The following RYR2 variants were observed in gnomAD, a reference collection of about 807,000 sequenced individuals.
RYR2 encodes the protein ryanodine receptor 2.
A neutral mutation model predicts 601.1 loss-of-function variants in RYR2; 227 were observed. The ratio of observed to expected loss-of-function variants is 0.38; its 90% confidence interval spans 0.34 to 0.42. The LOEUF (loss-of-function observed/expected upper bound fraction) is 0.42, where lower values mean the gene tolerates loss of function less well. Among genes scored for constraint, RYR2 ranks in the 10% least tolerant of loss-of-function variants. The pLI is 1.00. For missense variants in RYR2, 4,646 were observed against 6,156.5 expected (o/e 0.75, Z 8.21); for synonymous variants, 2,223 against 2,175.1 (o/e 1.02, Z -0.61).
chr1:237,180,124 G>T lies in RYR2; in HGVS notation c.49-90373G>T, dbSNP rs1678537116. 6.6e-6 allele frequency among the ~76,000 whole-genome samples: 1 copy of T among 151,792 alleles called. No individual in the cohort carries two copies. Among genetic ancestry groups the T allele is most frequent in the Non-Finnish European group, 1.5e-5 (1 of 68,020 alleles). ...TGGTAAGGGCTGTTCAGGATCCTCAGTGATGAGAATTGGTTGTGAGTTAGA... is the reference window on the plus strand; with the variant it reads ...TGGTAAGGGCTGTTCAGGATCCTCATTGATGAGAATTGGTTGTGAGTTAGA... On this transcript the variant is annotated intron_variant, in intron 1 of 104. Coordinates refer to ENST00000366574, the MANE Select transcript of RYR2 (RefSeq NM_001035.3). This position sits in a 1 kb window ranked among gnomAD's most constrained non-coding sequence, Gnocchi z 5.3.
At chr1:237,155,966 GT>G (rs1675284776) in intron 1 of RYR2, among the ~76,000 whole-genome samples, 1 of 152,172 alleles carries the variant, frequency 6.6e-6, no homozygotes, top group Admixed American at 6.5e-5. Context: ...ATCATGTGCT[GT>G]CCCTCTTAAT....
At chr1:237,214,236 T>G (rs950554715) in intron 1 of RYR2, among the ~76,000 whole-genome samples, 1 of 152,160 alleles carries the variant, frequency 6.6e-6, no homozygotes, top group Non-Finnish European at 1.5e-5. Flanking sequence ...CAACTTATTA[T>G]CTTATTGAAT....
chr1:237,598,017 A>T (rs2148488641), intron 34 of RYR2, among the ~76,000 whole-genome samples: 1 of 152,360 alleles, frequency 6.6e-6, no homozygotes, highest in South Asian at 2.1e-4. Context: ...ACTGAGAGTG[A>T]GCAGAAGTAG....
intron 1 of RYR2, among the ~76,000 whole-genome samples, chr1:237,079,848 T>C: frequency 7.8e-6 from 1 of 128,918 alleles, no homozygotes; most frequent in African/African-American, 3.8e-5. Context: ...AGAACAAAGC[T>C]GGAGGCATCA....
chr1:237,294,442 G>GA lies in RYR2; in HGVS notation c.168+23837dup, dbSNP rs565181298. On this transcript the variant is annotated intron_variant, in intron 2 of 104. Transcript: ENST00000366574. Reference sequence around the variant, plus strand: ...GATAGGCTAAGTTATGCTTTGATAAGAAAAAAAAAAACCCAAATCTCAATG... The same window carrying GA: ...GATAGGCTAAGTTATGCTTTGATAAGAAAAAAAAAAAACCCAAATCTCAATG... Among the ~76,000 whole-genome samples the GA allele has an allele frequency of 2.8e-3, 395 of 143,552 alleles. 3 individuals are homozygous for GA. The highest frequency in any genetic ancestry group is 9.2e-3 in the South Asian group (42 of 4,566). 94.2% of individuals were successfully genotyped at this position (143,552 alleles called of 152,430 possible).
intron 10 of RYR2, among the ~76,000 whole-genome samples, chr1:237,408,966 GTGT>G (rs1704176857): frequency 6.6e-6 from 1 of 151,902 alleles, no homozygotes; most frequent in Non-Finnish European, 1.5e-5. Context: ...CTTTAAATAC[GTGT>G]TGTTCATTGC....
chr1:237,799,868 C>T (rs1198906246), intron 97 of RYR2, among the ~76,000 whole-genome samples: 1 of 152,132 alleles, frequency 6.6e-6, no homozygotes, highest in Non-Finnish European at 1.5e-5. Context: ...TCTTCATTTG[C>T]GTCCTCACTG....
chr1:237,457,923 A>G (rs1572414483), intron 16 of RYR2, among the ~76,000 whole-genome samples: 1 of 152,164 alleles, frequency 6.6e-6, no homozygotes. Flanking sequence ...TCTAGAAGAT[A>G]AAGTTCACCT....
chr1:237,308,667 G>A (rs1050808918), intron 2 of RYR2, among the ~76,000 whole-genome samples: 1 of 152,182 alleles, frequency 6.6e-6, no homozygotes, highest in African/African-American at 2.4e-5. Flanking sequence ...GAATAAAGCT[G>A]AGGACCTTAG....
rs199689228 is a variant in RYR2 at position 237,694,059 on chromosome 1, C to T, written c.9068-4906C>T. On this transcript the variant is annotated intron_variant, in intron 63 of 104. Coordinates refer to ENST00000366574, the MANE Select transcript of RYR2 (RefSeq NM_001035.3). ...CCTGTAATCCCAGCACTCTGGGAGG[C>T]TGAGGCGGGCGGATCACAAGGTCAG... Among the ~76,000 whole-genome samples, 20 of 152,238 alleles carry T rather than the reference C, an allele frequency of 1.3e-4. No homozygotes were observed. In the East Asian group the frequency reaches 3.9e-3, roughly 29 times the overall value.
chr1:237,474,625 C>T lies in RYR2; in HGVS notation c.1708+5438C>T, dbSNP rs7543688. On this transcript the variant is annotated intron_variant, in intron 17 of 104. Transcript: ENST00000366574. ...TTAACCTCACTTAAAACTGCGGGTG[C>T]CCATGTTGCCCCATTCTGGCCTGTA... Among the ~76,000 whole-genome samples the T allele has an allele frequency of 2.1e-3, 319 of 152,160 alleles. 2 individuals are homozygous for T. Among genetic ancestry groups the T allele is most frequent in the African/African-American group, 6.9e-3 (286 of 41,522 alleles).
chr1:237,460,015 A>G (rs897962834), intron 16 of RYR2, among the ~76,000 whole-genome samples: 5 of 152,160 alleles, frequency 3.3e-5, no homozygotes, highest in African/African-American at 1.2e-4. Context: ...TGGGGCTTGC[A>G]CAGCTCGCCG....
At chr1:237,185,299 A>T (rs1679227360) in intron 1 of RYR2, among the ~76,000 whole-genome samples, 1 of 152,148 alleles carries the variant, frequency 6.6e-6, no homozygotes, top group Non-Finnish European at 1.5e-5. Context: ...ACCCGGCTAC[A>T]TAGAGGCCCT....
intron 1 of RYR2, among the ~76,000 whole-genome samples, chr1:237,256,160 G>A (rs1558507109): frequency 6.6e-6 from 1 of 152,102 alleles, no homozygotes; most frequent in Non-Finnish European, 1.5e-5. Context: ...TAAATCTCAT[G>A]AAATCTGATG....
intron 100 of RYR2, among the ~76,000 whole-genome samples, chr1:237,812,711 A>G (rs1477842184): frequency 6.6e-6 from 1 of 152,112 alleles, no homozygotes; most frequent in Non-Finnish European, 1.5e-5. Context: ...ACTTACTTAC[A>G]TTTGCTAGTC....
chr1:237,327,652 T>C (rs934685598), intron 2 of RYR2, among the ~76,000 whole-genome samples: 1 of 152,186 alleles, frequency 6.6e-6, no homozygotes, highest in African/African-American at 2.4e-5. Context: ...AGAACCGATT[T>C]TAAGAAACAA....
At chr1:237,526,448 G>A (rs1346329937) in intron 24 of RYR2, among the ~76,000 whole-genome samples, 1 of 151,870 alleles carries the variant, frequency 6.6e-6, no homozygotes, top group Non-Finnish European at 1.5e-5. Context: ...CGAGACTCAG[G>A]CAAAATTTCT....
intron 1 of RYR2, among the ~76,000 whole-genome samples, chr1:237,084,879 G>A (rs1433910309): frequency 6.6e-6 from 1 of 152,246 alleles, no homozygotes; most frequent in African/African-American, 2.4e-5. Flanking sequence ...AAGGGCCGGG[G>A]CCGGCCCTCT....
intron 41 of RYR2, among the ~76,000 whole-genome samples, chr1:237,631,081 G>A (rs1372885552): frequency 6.6e-6 from 1 of 151,978 alleles, no homozygotes; most frequent in Non-Finnish European, 1.5e-5. Flanking sequence ...ATATAAACAT[G>A]GTATAACACT....
Sources: gnomAD v4.1 joint callset for allele counts (sites outside exome capture counted in the v4.1 genomes callset) on GRCh38, gnomAD v4.1.1 for gene constraint, Gnocchi (gnomAD v3.1) non-coding constraint, MANE v1.5 for transcripts, NCBI Gene and HGNC (gene_info 2026-07-23, HGNC 2026-07-21) for gene names.